The following SMARCA5 variants were observed in gnomAD, a reference collection of about 807,000 sequenced individuals.
The protein encoded by SMARCA5 is SNF2 related chromatin remodeling ATPase 5.
In SMARCA5, 18 loss-of-function variants were observed where a neutral mutation model predicts 140.4. That is an observed-to-expected ratio of 0.13 (90% CI 0.09 to 0.19). SMARCA5 has a LOEUF of 0.19. Ranked by LOEUF, SMARCA5 falls within the 10% of genes least tolerant of loss-of-function variation. The pLI, the probability that SMARCA5 is intolerant of heterozygous loss-of-function variation, is 1.00. For missense variants in SMARCA5, 606 were observed against 1,276.8 expected (o/e 0.47, Z 8.01); for synonymous variants, 449 against 419.6 (o/e 1.07, Z -0.86).
At position 143,543,529 on chromosome 4, in the gene SMARCA5, C is replaced by T; in HGVS notation, c.1924C>T (p.Leu642=). The part of the protein sequence containing the change: ...IQQGRLVDQN[L]NKIGKDEMLQ... ...TTCAGGGAGGCTTGTGGATCAGAAT[C>T]TGAACAAAATTGGGAAAGATGAAAT... Residue 642 remains leucine (L), a synonymous_variant, in exon 15 of 24, where the codon CTG becomes TTG. Coordinates refer to ENST00000283131, the MANE Select transcript of SMARCA5 (RefSeq NM_003601.4). 1 of 1,613,032 alleles carries T rather than the reference C, an allele frequency of 6.2e-7. No homozygotes were observed.
At chr4:143,547,530 A>T in intron 21 of SMARCA5, 27 bp downstream of exon 21, 1 of 1,174,326 alleles carries the variant, frequency 8.5e-7, no homozygotes, top group South Asian at 1.2e-5. Context: ...TAAGTTAGGT[A>T]GTTAATAAAA....
intron 17 of SMARCA5, 78 bp downstream of exon 17, chr4:143,544,925 T>C (rs1737492654): frequency 1.6e-5 from 11 of 699,760 alleles, no homozygotes; most frequent in East Asian, 5.5e-5. Flanking sequence ...TGCAAAAAGA[T>C]TGATAATTAG....
chr4:143,535,348 T>G (rs1042735783), intron 10 of SMARCA5, among the ~76,000 whole-genome samples: 1 of 152,178 alleles, frequency 6.6e-6, no homozygotes, highest in Non-Finnish European at 1.5e-5. Context: ...AAAGATACTG[T>G]TGGCCTTAAT....
rs1056030853 is a variant in SMARCA5, at chr4:143,553,415, C to T, written c.*231C>T. The stretch of plus-strand genomic sequence containing the variant: ...GTAATAAAATAGGCTTCATTTATTA[C>T]TAAGTGTTTCATTTGATTTATTTTT... On this transcript the variant is annotated 3_prime_UTR_variant, in exon 24 of 24. Transcript: ENST00000283131. 3 of 392,494 alleles carry T rather than the reference C, an allele frequency of 7.6e-6. No homozygotes were observed. Among genetic ancestry groups the T allele is most frequent in the South Asian group, 6.0e-5 (1 of 16,610 alleles). The allele number at this position is 392,494 out of a possible 1,614,324, so 24.3% of individuals were successfully genotyped here.
chr4:143,552,945 A>T (rs1737674851), intron 23 of SMARCA5, among the ~76,000 whole-genome samples, 174 bp from the exon 24 acceptor site: 1 of 151,940 alleles, frequency 6.6e-6, no homozygotes, highest in South Asian at 2.1e-4. Flanking sequence ...ATAAGTAGGT[A>T]AGATTATTTG....
chr4:143,546,717 AG>A, intron 19 of SMARCA5, 58 bp from the exon 20 acceptor site: 1 of 1,509,988 alleles, frequency 6.6e-7, no homozygotes, highest in Non-Finnish European at 9.0e-7. Flanking sequence ...GTTTGCTAAT[AG>A]CATGTTTTCC....
In SMARCA5 at chr4:143,514,978, G is replaced by A. The variant is rs147685837; in HGVS notation, c.177+877G>A. On this transcript the variant is annotated intron_variant, in intron 1 of 23. Transcript: ENST00000283131. ...GAAAGATGGGGGAAGCTGCCAGGCG[G>A]GTAAATTGGATATGCTTCCAGGCTT... 3.4e-3 allele frequency among the ~76,000 whole-genome samples: 523 copies of A among 152,286 alleles called. 5 individuals are homozygous for A. The highest frequency in any genetic ancestry group is 0.011 in the African/African-American group (473 of 41,554).
intron 2 of SMARCA5, among the ~76,000 whole-genome samples, chr4:143,518,530 T>G (rs1736890260): frequency 6.6e-6 from 1 of 152,128 alleles, no homozygotes; most frequent in African/African-American, 2.4e-5. Context: ...ATCTTACATA[T>G]TTTTTAAAAC....
intron 9 of SMARCA5, among the ~76,000 whole-genome samples, chr4:143,533,827 C>T (rs536048581): frequency 7.2e-5 from 11 of 152,234 alleles, no homozygotes; most frequent in African/African-American, 2.6e-4. Context: ...AGTTTTAGAC[C>T]TGAAAGGCAG....
chr4:143,524,453 A>G lies in SMARCA5; in HGVS notation c.506A>G (p.Glu169Gly). ...GCAACCAATGTTTGCACTCGATTTG[A>G]AGACTCTCCATCGTGTATGTTAAAC... ...SKATNVCTRFEDSPSYVKWGK... is the reference protein window; with the variant it reads ...SKATNVCTRFGDSPSYVKWGK... Residue 169 changes from glutamate (E) to glycine (G), a missense_variant, in exon 4 of 24, where the codon GAA becomes GGA. Physicochemically the swap from Glu to Gly is moderately conservative, Grantham distance 98 (BLOSUM62 -2). Around this residue, in one of 10 missense-constraint regions of SMARCA5, gnomAD observed 110 missense variants for 287.7 expected, o/e 0.38. Transcript: ENST00000283131. 4 of 1,609,050 alleles carry G rather than the reference A, an allele frequency of 2.5e-6. No individual in the cohort carries two copies. Among genetic ancestry groups the G allele is most frequent in the Non-Finnish European group, 3.4e-6 (4 of 1,175,908 alleles).
At chr4:143,519,231 T>C (rs1032852569) in intron 2 of SMARCA5, among the ~76,000 whole-genome samples, 3 of 152,280 alleles carry the variant, frequency 2.0e-5, no homozygotes, top group African/African-American at 7.2e-5. Context: ...TTACTTAGCA[T>C]ACCTTAGTGT....
rs528011552 is a variant in SMARCA5, at chr4:143,530,854, G to A, written c.1158+328G>A. 2.0e-5 allele frequency among the ~76,000 whole-genome samples: 3 copies of A among 152,226 alleles called. No individual in the cohort carries two copies. In the East Asian group the frequency reaches 5.8e-4, roughly 29 times the overall value. On this transcript the variant is annotated intron_variant, in intron 9 of 23. Transcript: ENST00000283131. ...GTTTTTGAGACAGTCTCACTTTGTC[G>A]TCCAGGCTGGAGTGCAGTGGCATGA... is the stretch of plus-strand genomic sequence containing the variant.
intron 16 of SMARCA5, chr4:143,544,503 A>G: frequency 3.1e-6 from 1 of 324,834 alleles, no homozygotes; most frequent in Admixed American, 4.7e-5. Context: ...TTTCTCCCTC[A>G]TTTAACAGTT....
rs143567655 is a variant in SMARCA5, at chr4:143,544,549, G to T, written c.2173-188G>T. Among the ~76,000 whole-genome samples the T allele has an allele frequency of 1.9e-3, 285 of 152,232 alleles. 1 individual carries two copies. Among genetic ancestry groups the T allele is most frequent in the African/African-American group, 6.5e-3 (270 of 41,536 alleles). On this transcript the variant is annotated intron_variant, in intron 16 of 23. Transcript: ENST00000283131. ...GCAAGAAATACTGAATGCTTACTCTGTTGACTAGACACTGTCTCGTGTTAA... is the reference window on the plus strand; with the variant it reads ...GCAAGAAATACTGAATGCTTACTCTTTTGACTAGACACTGTCTCGTGTTAA...
chr4:143,529,663 C>T (rs866601890), intron 8 of SMARCA5, among the ~76,000 whole-genome samples: 1 of 151,886 alleles, frequency 6.6e-6, no homozygotes, highest in African/African-American at 2.4e-5. Flanking sequence ...TAGCTGGCGT[C>T]TTATGTGTAT....
At chr4:143,540,764 G>C (rs1189543035) in intron 14 of SMARCA5, among the ~76,000 whole-genome samples, 2 of 152,056 alleles carry the variant, frequency 1.3e-5, no homozygotes, top group Non-Finnish European at 2.9e-5. Context: ...TGTTAAGTGG[G>C]GATAAAAATA....
At chr4:143,535,102 C>T (rs750042137) in intron 10 of SMARCA5, 138 bp downstream of exon 10, 7 of 600,932 alleles carry the variant, frequency 1.2e-5, no homozygotes, top group African/African-American at 3.8e-5. Flanking sequence ...TTTCTTGTCA[C>T]GTAGTATAGG....
At chr4:143,550,626 C>G (rs978615867) in intron 23 of SMARCA5, among the ~76,000 whole-genome samples, 1 of 151,764 alleles carries the variant, frequency 6.6e-6, no homozygotes, top group Admixed American at 6.6e-5. Context: ...CCATCCTTCT[C>G]TCTGTCTCCA....
intron 13 of SMARCA5, among the ~76,000 whole-genome samples, chr4:143,539,778 C>G (rs886291697): frequency 6.6e-6 from 1 of 152,084 alleles, no homozygotes; most frequent in Non-Finnish European, 1.5e-5. Flanking sequence ...TTCAGGTGAT[C>G]CACCCACCTT....
Sources: gnomAD v4.1 joint callset for allele counts (sites outside exome capture counted in the v4.1 genomes callset) on GRCh38, gnomAD v4.1.1 for gene constraint, gnomAD v4.1.1 regional missense constraint, MANE v1.5 for transcripts, NCBI Gene and HGNC (gene_info 2026-07-23, HGNC 2026-07-21) for gene names.